ATP8A2: variants seen among roughly 807,000 people sequenced by gnomAD.
ATP8A2 encodes the protein phospholipid-transporting ATPase IB.
A neutral mutation model predicts 165.6 loss-of-function variants in ATP8A2; 100 were observed. That is an observed-to-expected ratio of 0.60 (90% CI 0.51 to 0.71). ATP8A2 has a LOEUF of 0.71. Ranked by LOEUF, ATP8A2 falls within the 30% of genes least tolerant of loss-of-function variation. The pLI, the probability that ATP8A2 is intolerant of heterozygous loss-of-function variation, is 0.00. For synonymous variants in ATP8A2, 543 were observed against 548.8 expected, an observed-to-expected ratio of 0.99 and a Z score of 0.15; for missense variants, 1,227 against 1,479.5, an observed-to-expected ratio of 0.83 and a Z score of 2.80.
chr13:25,843,388 C>T (rs1356919648), intron 30 of ATP8A2, among the ~76,000 whole-genome samples: 1 of 152,150 alleles, frequency 6.6e-6, no homozygotes, highest in African/African-American at 2.4e-5. Flanking sequence ...TCATGCCCCC[C>T]CCGCCCAATT....
chr13:25,539,526 G>A (rs190894242), intron 7 of ATP8A2, among the ~76,000 whole-genome samples: 1 of 152,192 alleles, frequency 6.6e-6, no homozygotes, highest in Admixed American at 6.5e-5. Flanking sequence ...AACCTGTTGA[G>A]GAGGTTGTCC....
At position 25,571,599 on chromosome 13, in the gene ATP8A2, C is replaced by T. The variant is rs762832170; in HGVS notation, c.1580-11C>T. ...TGATATGTCAATGTTTCACCAACTC[C>T]CACTTGACAGATGAAGCTGCTTTGG... On this transcript the variant is annotated splice_polypyrimidine_tract_variant and intron_variant, in intron 17 of 36. Coordinates refer to ENST00000381655, the MANE Select transcript of ATP8A2 (RefSeq NM_016529.6). 1 of 1,608,288 alleles carries T rather than the reference C, an allele frequency of 6.2e-7. No homozygotes were observed. The highest frequency in any genetic ancestry group is 1.3e-5 in the African/African-American group (1 of 74,798).
At chr13:25,765,054 A>G (rs1284728821) in intron 25 of ATP8A2, among the ~76,000 whole-genome samples, 3 of 152,248 alleles carry the variant, frequency 2.0e-5, no homozygotes, top group Admixed American at 6.5e-5. Context: ...AGGTTTCACT[A>G]AAGTGTTATA....
chr13:25,988,418 G>A (rs1956312433), intron 35 of ATP8A2, among the ~76,000 whole-genome samples: 1 of 152,242 alleles, frequency 6.6e-6, no homozygotes, highest in Non-Finnish European at 1.5e-5. Context: ...ATGTGGGAAA[G>A]TCTAGGTCCC....
chr13:25,804,148 C>T (rs1950678724), intron 27 of ATP8A2, among the ~76,000 whole-genome samples: 1 of 151,972 alleles, frequency 6.6e-6, no homozygotes, highest in African/African-American at 2.4e-5. Flanking sequence ...TCAACTTTGC[C>T]TTTTCGTTTT....
intron 35 of ATP8A2, among the ~76,000 whole-genome samples, chr13:25,982,106 TG>T (rs1470165792): frequency 6.6e-6 from 1 of 152,230 alleles, no homozygotes; most frequent in Non-Finnish European, 1.5e-5. Context: ...ATGGTGGTTT[TG>T]TTTCTCAAAG....
intron 1 of ATP8A2, among the ~76,000 whole-genome samples, chr13:25,432,522 G>C (rs142022817): frequency 3.2e-4 from 48 of 152,250 alleles, no homozygotes; most frequent in African/African-American, 1.1e-3. Flanking sequence ...TTAGTTTGGG[G>C]GCTTTGATGG....
chr13:25,548,387 G>C (rs2038717652), intron 10 of ATP8A2, among the ~76,000 whole-genome samples: 1 of 152,154 alleles, frequency 6.6e-6, no homozygotes, highest in Non-Finnish European at 1.5e-5. Context: ...TTAGATGAAA[G>C]ATAAAGTTTT....
intron 14 of ATP8A2, 149 bp downstream of exon 14, chr13:25,559,210 C>G: frequency 1.7e-6 from 1 of 604,528 alleles, no homozygotes; most frequent in Admixed American, 3.2e-5. Context: ...CTGAATGGAT[C>G]CCAAATTAAA....
intron 25 of ATP8A2, among the ~76,000 whole-genome samples, chr13:25,704,337 C>CT (rs67458818): frequency 0.15 from 20,254 of 137,602 alleles, 1,584 homozygotes; most frequent in South Asian, 0.17. Flanking sequence ...ACATCTAGGA[C>CT]TTTTTTTTTT....
At chr13:25,473,778 TAAATATTAAATGCTTAC>T (rs917480949) in intron 2 of ATP8A2, among the ~76,000 whole-genome samples, 2 of 152,234 alleles carry the variant, frequency 1.3e-5, no homozygotes, top group African/African-American at 4.8e-5. Flanking sequence ...CCTTTTAAGT[TAAATATTAAATGCTTAC>T]AAAAGCTCAC....
At chr13:25,470,831 G>A (rs898505916) in intron 2 of ATP8A2, among the ~76,000 whole-genome samples, 1 of 152,200 alleles carries the variant, frequency 6.6e-6, no homozygotes, top group Non-Finnish European at 1.5e-5. Context: ...AGACTTGAAA[G>A]CATTATGCTA....
At chr13:25,465,771 TTCTC>T (rs1423390757) in intron 1 of ATP8A2, among the ~76,000 whole-genome samples, 5 of 70,848 alleles carry the variant, frequency 7.1e-5, no homozygotes, top group South Asian at 5.5e-4. Flanking sequence ...CTTTCTCTCT[TTCTC>T]TCTTTCTCTC....
chr13:25,606,418 C>T (rs764556635), intron 24 of ATP8A2, among the ~76,000 whole-genome samples: 7 of 152,174 alleles, frequency 4.6e-5, no homozygotes, highest in African/African-American at 7.2e-5. Flanking sequence ...AAAACTAAAG[C>T]CTACTCTATA....
intron 24 of ATP8A2, among the ~76,000 whole-genome samples, chr13:25,611,704 T>A (rs1384095464): frequency 6.6e-6 from 1 of 152,068 alleles, no homozygotes; most frequent in Non-Finnish European, 1.5e-5. Flanking sequence ...ATTGTGTCAA[T>A]AGGATTGGTA....
At chr13:25,872,498 G>A (rs1000098955) in intron 33 of ATP8A2, among the ~76,000 whole-genome samples, 9 of 152,186 alleles carry the variant, frequency 5.9e-5, no homozygotes, top group African/African-American at 1.4e-4. Flanking sequence ...TTCCTACCAT[G>A]CATCTACCAA....
intron 6 of ATP8A2, among the ~76,000 whole-genome samples, chr13:25,533,686 A>G (rs1366400684): frequency 6.6e-6 from 1 of 152,188 alleles, no homozygotes; most frequent in Non-Finnish European, 1.5e-5. Context: ...CATTAACTAC[A>G]GAGTGGTGGA....
intron 24 of ATP8A2, among the ~76,000 whole-genome samples, chr13:25,666,789 ATTTGCAACTGAATTAAGGT>A (rs1468309240): frequency 6.6e-6 from 1 of 152,162 alleles, no homozygotes; most frequent in Non-Finnish European, 1.5e-5. Context: ...CTCAAAATGG[ATTTGCAACTGAATTAAGGT>A]TTTCTGAGTA....
intron 5 of ATP8A2, among the ~76,000 whole-genome samples, chr13:25,532,572 A>G (rs2038149075): frequency 6.6e-6 from 1 of 152,204 alleles, no homozygotes; most frequent in Admixed American, 6.5e-5. Context: ...TATGTCCATA[A>G]AAAGTCTAAG....
Sources: allele counts gnomAD v4.1 joint callset (sites outside exome capture counted in the v4.1 genomes callset), GRCh38; gene constraint gnomAD v4.1.1; transcripts MANE v1.5; gene names NCBI Gene and HGNC (gene_info 2026-07-23, HGNC 2026-07-21).